ADGRB3: variants seen among roughly 807,000 people sequenced by gnomAD.
The protein encoded by ADGRB3 is brain-specific angiogenesis inhibitor 3.
In ADGRB3, 37 loss-of-function variants were observed where a neutral mutation model predicts 193.4. The ratio of observed to expected loss-of-function variants is 0.19; its 90% CI spans 0.15 to 0.25. ADGRB3 has a LOEUF of 0.25. Ranked by LOEUF, ADGRB3 falls within the 10% of genes least tolerant of loss-of-function variation. ADGRB3 has a pLI of 1.00. For synonymous variants in ADGRB3, 690 were observed against 644.2 expected (o/e 1.07, Z -1.08); for missense variants, 1,637 against 1,852.9 (o/e 0.88, Z 2.14).
chr6:68,987,434 T>C (rs141745414), intron 10 of ADGRB3, among the ~76,000 whole-genome samples: 39 of 152,290 alleles, frequency 2.6e-4, no homozygotes, highest in African/African-American at 7.5e-4. Flanking sequence ...AGTTGTTTCA[T>C]GTCTTTTGTT....
At chr6:68,732,389 T>C (rs1445594583) in intron 3 of ADGRB3, among the ~76,000 whole-genome samples, 1 of 151,842 alleles carries the variant, frequency 6.6e-6, no homozygotes, top group East Asian at 1.9e-4. Flanking sequence ...CATAGAAACA[T>C]AGAGGGGAAC....
chr6:68,887,735 A>G (rs1459974532), intron 3 of ADGRB3, among the ~76,000 whole-genome samples: 1 of 152,192 alleles, frequency 6.6e-6, no homozygotes, highest in Admixed American at 6.5e-5. Flanking sequence ...TATGAGGATT[A>G]TATTTTTAAA....
At chr6:69,095,387 T>TG (rs1772843154) in intron 17 of ADGRB3, among the ~76,000 whole-genome samples, 3 of 5,050 alleles carry the variant, frequency 5.9e-4, no homozygotes, top group African/African-American at 7.8e-4. Flanking sequence ...GAGAGGAGCA[T>TG]GGGGGGCAGG....
Position 69,279,103 on chromosome 6 carries a change from A to ATATC in ADGRB3, c.2814+39880_2814+39881insCTAT, listed in dbSNP as rs1554188552. On this transcript the variant is annotated intron_variant, in intron 20 of 31. Transcript: ENST00000370598. ...TATATATATATATATATATATATAT[A>ATATC]TATATATATATATATATGCTCCTCA... 3.0e-4 allele frequency among the ~76,000 whole-genome samples: 40 copies of ATATC among 134,754 alleles called. 1 individual carries two copies. Among genetic ancestry groups the ATATC allele is most frequent in the Non-Finnish European group, 5.7e-4 (35 of 61,618 alleles). The allele number at this position is 134,754 out of a possible 152,430, so 88.4% of individuals were successfully genotyped here.
Position 68,639,367 on chromosome 6 carries a change from C to G in ADGRB3, c.692C>G (p.Thr231Ser). ...PLNEQTEGCL[T>S]QELQTTQVCN... ...AATGAGCAGACAGAGGGCTGCCTGA[C>G]CCAGGAGCTGCAAACCACCCAAGTC... is the stretch of plus-strand genomic sequence containing the variant. Residue 231 changes from threonine (T) to serine (S), a missense_variant, in exon 3 of 32, where the codon ACC becomes AGC. Physicochemically the swap from Thr to Ser is moderately conservative, Grantham distance 58 (BLOSUM62 1). This residue lies in a region of ADGRB3 where 365 missense variants were observed against 409.8 expected (regional missense o/e 0.89). Coordinates refer to ENST00000370598, the MANE Select transcript of ADGRB3 (RefSeq NM_001704.3). 1 of 1,613,812 alleles carries G rather than the reference C, an allele frequency of 6.2e-7. No individual in the cohort carries two copies. The highest frequency in any genetic ancestry group is 8.5e-7 in the Non-Finnish European group (1 of 1,179,980).
intron 17 of ADGRB3, among the ~76,000 whole-genome samples, chr6:69,147,610 C>T (rs1774541536): frequency 6.6e-6 from 1 of 152,096 alleles, no homozygotes; most frequent in Non-Finnish European, 1.5e-5. Context: ...GAAGAATGTG[C>T]ATTCTGCAGC....
intron 27 of ADGRB3, among the ~76,000 whole-genome samples, chr6:69,355,348 A>G (rs1472474471): frequency 6.6e-6 from 1 of 152,198 alleles, no homozygotes; most frequent in Non-Finnish European, 1.5e-5. Context: ...GAATCATTAG[A>G]AGAGCCTAGT....
intron 10 of ADGRB3, among the ~76,000 whole-genome samples, chr6:68,976,527 C>T (rs1768753619): frequency 6.6e-6 from 1 of 152,004 alleles, no homozygotes; most frequent in South Asian, 2.1e-4. Flanking sequence ...TTACTAATAG[C>T]CTGTTCTTGA....
At chr6:68,721,402 C>T (rs1166504901) in intron 3 of ADGRB3, among the ~76,000 whole-genome samples, 1 of 150,708 alleles carries the variant, frequency 6.6e-6, no homozygotes, top group Non-Finnish European at 1.5e-5. Flanking sequence ...TGCGTGTTCT[C>T]ACTCATAGGT....
chr6:69,019,128 G>A (rs1354689441), intron 13 of ADGRB3, among the ~76,000 whole-genome samples: 1 of 151,922 alleles, frequency 6.6e-6, no homozygotes, highest in African/African-American at 2.4e-5. Flanking sequence ...TCTCTTTGTG[G>A]TTAAAAATTA....
intron 17 of ADGRB3, among the ~76,000 whole-genome samples, chr6:69,153,756 G>T (rs1044183013): frequency 6.6e-6 from 1 of 152,140 alleles, no homozygotes; most frequent in African/African-American, 2.4e-5. Flanking sequence ...CACTTTGGGA[G>T]GCCAAGGCGG....
chr6:68,917,039 C>T (rs998782306), intron 3 of ADGRB3, among the ~76,000 whole-genome samples: 1 of 152,092 alleles, frequency 6.6e-6, no homozygotes, highest in Non-Finnish European at 1.5e-5. Context: ...AGTTAGGAGA[C>T]CATTACATTG....
intron 20 of ADGRB3, among the ~76,000 whole-genome samples, chr6:69,315,867 T>C (rs542697661): frequency 6.6e-6 from 1 of 151,592 alleles, no homozygotes; most frequent in Admixed American, 6.6e-5. Context: ...AATGTTACTA[T>C]AATTGCAAAT....
At chr6:68,694,719 A>G (rs1413800414) in intron 3 of ADGRB3, among the ~76,000 whole-genome samples, 2 of 151,972 alleles carry the variant, frequency 1.3e-5, no homozygotes, top group Non-Finnish European at 2.9e-5. Flanking sequence ...GGAAATGAGT[A>G]TTTTGAACTT....
intron 13 of ADGRB3, among the ~76,000 whole-genome samples, chr6:69,021,682 T>G (rs1206029240): frequency 2.6e-5 from 4 of 151,916 alleles, no homozygotes. Context: ...TGGCCTTAAT[T>G]CATCAAGATA....
intron 3 of ADGRB3, among the ~76,000 whole-genome samples, chr6:68,906,065 T>C (rs1766536348): frequency 6.6e-6 from 1 of 151,942 alleles, no homozygotes; most frequent in Non-Finnish European, 1.5e-5. Context: ...TAGAAATAAA[T>C]ACCACAAGTT....
chr6:69,283,217 T>C (rs1767474558), intron 20 of ADGRB3, among the ~76,000 whole-genome samples: 1 of 152,318 alleles, frequency 6.6e-6, no homozygotes, highest in African/African-American at 2.4e-5. Flanking sequence ...TTTTTGCTTC[T>C]GTTTTGTAAC....
rs1356909090 is a variant in ADGRB3 at position 69,361,063 on chromosome 6, G to C, written c.3790G>C (p.Glu1264Gln). 1.3e-5 allele frequency: 21 copies of C among 1,612,678 alleles called. No homozygotes were observed. Among genetic ancestry groups the C allele is most frequent in the Non-Finnish European group, 1.7e-5 (20 of 1,179,234 alleles). Reference protein sequence around the residue: ...TGLHMPMSMNELSNPCLKKEN... With the variant: ...TGLHMPMSMNQLSNPCLKKEN... ...TTTGCACATGCCCATGAGTATGAAT[G>C]AGCTTAGCAATCCATGTTTGAAAAA... The change falls in exon 29 of 32, where the codon GAG (glutamate) becomes CAG (glutamine). Residue 1264 changes from glutamate to glutamine, a missense_variant. Coordinates refer to ENST00000370598, the MANE Select transcript of ADGRB3 (RefSeq NM_001704.3).
chr6:69,174,646 CTGTTT>C (rs1345809123), intron 17 of ADGRB3, among the ~76,000 whole-genome samples: 1 of 152,162 alleles, frequency 6.6e-6, no homozygotes, highest in African/African-American at 2.4e-5. Flanking sequence ...GATGATTGTT[CTGTTT>C]TAAGTTCTCA....
Sources: gnomAD v4.1 joint callset for allele counts (sites outside exome capture counted in the v4.1 genomes callset) on GRCh38, gnomAD v4.1.1 for gene constraint, gnomAD v4.1.1 regional missense constraint, MANE v1.5 for transcripts, NCBI Gene and HGNC (gene_info 2026-07-23, HGNC 2026-07-21) for gene names.